Variants in RAB3GAP1 observed in about 807,000 individuals in gnomAD.
RAB3GAP1 encodes RAB3 GTPase activating protein catalytic subunit 1, also known as rab3 GTPase-activating protein catalytic subunit.
RAB3GAP1 carries 86 observed loss-of-function variants against 130.7 expected under a neutral mutation model. The observed-to-expected ratio is 0.66, with a 90% CI of 0.55 to 0.79. The LOEUF (loss-of-function observed/expected upper bound fraction) is 0.79. Ranked by LOEUF, RAB3GAP1 falls within the 30% of genes least tolerant of loss-of-function variation. RAB3GAP1 has a pLI of 0.00. For synonymous variants in RAB3GAP1, 367 were observed against 401.7 expected, an observed-to-expected ratio of 0.91 and a Z score of 1.03; for missense variants, 1,029 against 1,169.4, an observed-to-expected ratio of 0.88 and a Z score of 1.75.
chr2:135,144,116 T>TAACTC (rs1691928043), intron 17 of RAB3GAP1, among the ~76,000 whole-genome samples: 1 of 152,210 alleles, frequency 6.6e-6, no homozygotes, highest in South Asian at 2.1e-4. Flanking sequence ...TCAGCTGGGC[T>TAACTC]GAGCATGCCC....
intron 17 of RAB3GAP1, among the ~76,000 whole-genome samples, chr2:135,139,033 A>G (rs905023439): frequency 6.6e-5 from 10 of 152,106 alleles, no homozygotes; most frequent in Non-Finnish European, 1.5e-4. Context: ...GAACCTGAGC[A>G]TCTTTTAATA....
At chr2:135,083,179 T>C (rs1689876445) in intron 3 of RAB3GAP1, among the ~76,000 whole-genome samples, 1 of 152,186 alleles carries the variant, frequency 6.6e-6, no homozygotes, top group Non-Finnish European at 1.5e-5. Flanking sequence ...TGCTGAATAA[T>C]ATTCCATCGT....
chr2:135,119,479 A>G (rs946449290), intron 7 of RAB3GAP1, among the ~76,000 whole-genome samples: 3 of 152,192 alleles, frequency 2.0e-5, no homozygotes, highest in African/African-American at 7.2e-5. Flanking sequence ...TTATGTGTCA[A>G]AGTGGCCTTG....
chr2:135,127,484 T>TA (rs1691387725), intron 11 of RAB3GAP1, among the ~76,000 whole-genome samples: 1 of 151,590 alleles, frequency 6.6e-6, no homozygotes, highest in Admixed American at 6.6e-5. Flanking sequence ...GCTGGGACTA[T>TA]AGGCGCCCGC....
intron 17 of RAB3GAP1, among the ~76,000 whole-genome samples, chr2:135,140,848 G>T (rs1196810954): frequency 6.6e-6 from 1 of 152,198 alleles, no homozygotes; most frequent in Admixed American, 6.5e-5. Flanking sequence ...GGAATGGTGG[G>T]AACCTTCTCA....
intron 3 of RAB3GAP1, among the ~76,000 whole-genome samples, chr2:135,074,970 C>T (rs2104847497): frequency 6.6e-6 from 1 of 152,246 alleles, no homozygotes; most frequent in Non-Finnish European, 1.5e-5. Flanking sequence ...TCTCTTGGAA[C>T]AGTTGTTCTC....
intron 19 of RAB3GAP1, among the ~76,000 whole-genome samples, chr2:135,156,713 C>A (rs1692324535): frequency 6.6e-6 from 1 of 152,100 alleles, no homozygotes; most frequent in Non-Finnish European, 1.5e-5. Flanking sequence ...TCACTAAGGT[C>A]AGGAACAAAG....
chr2:135,161,919 A>AGAT (rs1692476284), intron 19 of RAB3GAP1, among the ~76,000 whole-genome samples: 1 of 152,118 alleles, frequency 6.6e-6, no homozygotes, highest in Admixed American at 6.5e-5. Context: ...AGCATTTATC[A>AGAT]GTCAGACTCA....
At chr2:135,159,887 T>C (rs1049438492) in intron 19 of RAB3GAP1, among the ~76,000 whole-genome samples, 2 of 152,136 alleles carry the variant, frequency 1.3e-5, no homozygotes, top group African/African-American at 2.4e-5. Context: ...CAGAAAACAA[T>C]GGGCTGCATG....
intron 3 of RAB3GAP1, among the ~76,000 whole-genome samples, chr2:135,072,670 T>C (rs1689512255): frequency 6.6e-6 from 1 of 152,230 alleles, no homozygotes; most frequent in South Asian, 2.1e-4. Flanking sequence ...ACATCCCTTA[T>C]TTTTAAACAA....
intron 22 of RAB3GAP1, among the ~76,000 whole-genome samples, chr2:135,164,326 T>C (rs1692563883): frequency 6.6e-6 from 1 of 152,194 alleles, no homozygotes; most frequent in African/African-American, 2.4e-5. Context: ...CTGAAAAAAA[T>C]AGACTGAATA....
At chr2:135,062,885 G>A (rs10191749) in intron 3 of RAB3GAP1, among the ~76,000 whole-genome samples, 4,139 of 152,198 alleles carry the variant, frequency 0.027, 167 homozygotes, top group African/African-American at 0.093. Context: ...GTGTCATAAC[G>A]CCTGGCTAAA....
At chr2:135,118,861 G>C (rs1691105678) in intron 7 of RAB3GAP1, among the ~76,000 whole-genome samples, 1 of 151,492 alleles carries the variant, frequency 6.6e-6, no homozygotes. Flanking sequence ...TTCCGATAAA[G>C]CCATTGTGCC....
At position 135,112,003 on chromosome 2, in the gene RAB3GAP1, G is replaced by A. The variant is rs76657008; in HGVS notation, c.363-1148G>A. On this transcript the variant is annotated intron_variant, in intron 5 of 23. Coordinates refer to ENST00000264158, the MANE Select transcript of RAB3GAP1 (RefSeq NM_012233.3). Reference sequence around the variant, plus strand: ...TACTTAAAACTTTAGAAAATAGACTGTAAACCTTGCCTAAAGGAGGCATCC... The same window carrying A: ...TACTTAAAACTTTAGAAAATAGACTATAAACCTTGCCTAAAGGAGGCATCC... Among the ~76,000 whole-genome samples the A allele has an allele frequency of 7.3e-3, 1,111 of 152,268 alleles. 11 individuals are homozygous for A. The highest frequency in any genetic ancestry group is 0.025 in the African/African-American group (1,053 of 41,550).
intron 2 of RAB3GAP1, among the ~76,000 whole-genome samples, chr2:135,057,303 G>T (rs187714628): frequency 4.6e-5 from 7 of 151,970 alleles, no homozygotes; most frequent in East Asian, 1.9e-4. Context: ...GTTGGGGGCT[G>T]GGGGGGTAAA....
intron 2 of RAB3GAP1, among the ~76,000 whole-genome samples, chr2:135,055,145 C>T (rs1031979733): frequency 1.3e-5 from 2 of 151,928 alleles, no homozygotes; most frequent in African/African-American, 4.8e-5. Context: ...TCAAGTAATA[C>T]AAGTCTGTAA....
At position 135,162,639 on chromosome 2, in the gene RAB3GAP1, G is replaced by A. The variant is rs1010042825; in HGVS notation, c.2374G>A (p.Val792Ile). The A allele has an allele frequency of 5.6e-6, 9 of 1,613,788 alleles. No homozygotes were observed. Among genetic ancestry groups the A allele is most frequent in the African/African-American group, 2.7e-5 (2 of 74,932 alleles). The change falls in exon 20 of 24, where the codon GTA (valine) becomes ATA (isoleucine). Residue 792 changes from valine (V) to isoleucine (I), a missense_variant. Physicochemically the swap from Val to Ile is conservative, Grantham distance 29. Coordinates refer to ENST00000264158, the MANE Select transcript of RAB3GAP1 (RefSeq NM_012233.3). The stretch of plus-strand genomic sequence containing the variant: ...TGTGATTCATGCAGCTGTACTCAAG[G>A]TAAAGGAAGAAGGTAAATGTCATAT... ...PCVIHAAVLK[V>I]KEEESLENIS...
intron 3 of RAB3GAP1, among the ~76,000 whole-genome samples, chr2:135,080,621 T>G (rs142481576): frequency 2.0e-5 from 3 of 152,362 alleles, no homozygotes; most frequent in Admixed American, 6.5e-5. Context: ...TGGCTAATTC[T>G]TTTCCCTGAG....
At chr2:135,095,602 C>G (rs186863064) in intron 5 of RAB3GAP1, among the ~76,000 whole-genome samples, 4 of 152,330 alleles carry the variant, frequency 2.6e-5, no homozygotes, top group Admixed American at 2.6e-4. Context: ...GTAAGAGGTA[C>G]AATCTTACCC....
Sources: gnomAD v4.1 joint callset for allele counts (sites outside exome capture counted in the v4.1 genomes callset) on GRCh38, gnomAD v4.1.1 for gene constraint, MANE v1.5 for transcripts, NCBI Gene and HGNC (gene_info 2026-07-23, HGNC 2026-07-21) for gene names.